ASXL2: variants seen among roughly 807,000 people sequenced by gnomAD.
The protein encoded by ASXL2 is putative Polycomb group protein ASXL2.
Under a neutral mutation model 122.0 loss-of-function variants are expected in ASXL2, and 23 were observed. The observed-to-expected ratio is 0.19, with a 90% CI of 0.14 to 0.27. ASXL2 has a LOEUF of 0.27. ASXL2 is among the 10% of genes least tolerant of loss of function. The pLI, the probability that ASXL2 is intolerant of heterozygous loss-of-function variation, is 1.00. For synonymous variants in ASXL2, 650 were observed against 637.0 expected, an observed-to-expected ratio of 1.02 and a Z score of -0.31; for missense variants, 1,518 against 1,713.8, an observed-to-expected ratio of 0.89 and a Z score of 2.02.
intron 5 of ASXL2, among the ~76,000 whole-genome samples, chr2:25,791,413 C>G (rs994963666): frequency 6.6e-6 from 1 of 150,452 alleles, no homozygotes; most frequent in African/African-American, 2.5e-5. Context: ...CTTGAACCCA[C>G]GATGGGGAGG....
At chr2:25,754,679 T>TAA (rs35860666) in intron 10 of ASXL2, among the ~76,000 whole-genome samples, 28 of 149,614 alleles carry the variant, frequency 1.9e-4, no homozygotes, top group African/African-American at 3.9e-4. Flanking sequence ...GCTTGCATGT[T>TAA]AAAAAAAAAA....
chr2:25,862,562 C>T (rs1172888878), intron 1 of ASXL2, among the ~76,000 whole-genome samples: 2 of 152,146 alleles, frequency 1.3e-5, no homozygotes, highest in Non-Finnish European at 2.9e-5. Context: ...GCATACTACA[C>T]AACAGGTGTT....
In ASXL2 at chr2:25,743,865, G is replaced by A. The variant is rs1218130537; in HGVS notation, c.2472C>T (p.Pro824=). ...TVASVSHPQG[P]SSCRQEKAPS... ...GTGCTTTCTCCTGTCTGCAACTACT[G>A]GGCCCTTGTGGATGGCTGACAGAGG... The change falls in exon 13 of 13, where the codon CCC becomes CCT. Residue 824 remains proline, a synonymous_variant. Transcript: ENST00000435504. The A allele has an allele frequency of 1.2e-6, 2 of 1,614,022 alleles. No individual in the cohort carries two copies.
chr2:25,824,802 T>C (rs1333996878), intron 3 of ASXL2, among the ~76,000 whole-genome samples: 3 of 152,214 alleles, frequency 2.0e-5, no homozygotes, highest in Non-Finnish European at 2.9e-5. Flanking sequence ...CGGTAACTAA[T>C]GATGTCTAAT....
intron 1 of ASXL2, among the ~76,000 whole-genome samples, chr2:25,863,458 C>G (rs1000127502): frequency 1.3e-5 from 2 of 151,726 alleles, no homozygotes; most frequent in Non-Finnish European, 2.9e-5. Flanking sequence ...TTTGGGAGGC[C>G]GAGGCGGGTA....
At chr2:25,829,762 T>C (rs1311482140) in intron 3 of ASXL2, among the ~76,000 whole-genome samples, 1 of 152,098 alleles carries the variant, frequency 6.6e-6, no homozygotes, top group African/African-American at 2.4e-5. Context: ...GTCTCAAAAA[T>C]AAAGACTAGA....
chr2:25,787,400 G>A (rs1216900187), intron 5 of ASXL2, among the ~76,000 whole-genome samples: 2 of 152,170 alleles, frequency 1.3e-5, no homozygotes, highest in East Asian at 3.9e-4. Flanking sequence ...TGTGAGTCTT[G>A]GGGTAAGGGA....
At chr2:25,867,197 G>A (rs1389767257) in intron 1 of ASXL2, among the ~76,000 whole-genome samples, 1 of 152,092 alleles carries the variant, frequency 6.6e-6, no homozygotes, top group Non-Finnish European at 1.5e-5. Flanking sequence ...ACCGCGCCTG[G>A]CACTAATTTT....
chr2:25,822,858 G>C (rs1292287409), intron 3 of ASXL2: 1 of 553,396 alleles, frequency 1.8e-6, no homozygotes, highest in Non-Finnish European at 3.6e-6. Flanking sequence ...GAACAACATG[G>C]GTGGTGAAGA....
chr2:25,805,234 C>T (rs1426510121), intron 4 of ASXL2, among the ~76,000 whole-genome samples: 1 of 152,162 alleles, frequency 6.6e-6, no homozygotes, highest in Admixed American at 6.5e-5. Flanking sequence ...ATAACCACAA[C>T]TGTGAATTGT....
At chr2:25,745,279 C>A (rs949692582) in intron 12 of ASXL2, among the ~76,000 whole-genome samples, 8 of 146,404 alleles carry the variant, frequency 5.5e-5, no homozygotes, top group Admixed American at 3.4e-4. Flanking sequence ...GTGGTGTGAT[C>A]TCGGCTCACT....
chr2:25,789,303 G>A (rs2088794668), intron 5 of ASXL2, among the ~76,000 whole-genome samples: 1 of 152,018 alleles, frequency 6.6e-6, no homozygotes, highest in Non-Finnish European at 1.5e-5. Flanking sequence ...ACCAGAAGGT[G>A]AATGATTCTT....
Position 25,742,682 on chromosome 2 carries a change from T to A in ASXL2, c.3655A>T (p.Thr1219Ser), listed in dbSNP as rs769284052. ...DTSSGPHSRE[T>S]LSTSDCLASK... ...GCTAAGCAATCACTGGTAGATAGAG[T>A]TTCCCTGCTGTGAGGTCCTGAACTT... Residue 1219 changes from threonine (T) to serine (S), a missense_variant, in exon 13 of 13, where the codon ACT becomes TCT. This residue lies in a region of ASXL2 where 831 missense variants were observed against 833.1 expected (regional missense o/e 1.00). Coordinates refer to ENST00000435504, the MANE Select transcript of ASXL2 (RefSeq NM_018263.6). 2.5e-6 allele frequency: 4 copies of A among 1,613,396 alleles called. No homozygotes were observed. Among genetic ancestry groups the A allele is most frequent in the Non-Finnish European group, 3.4e-6 (4 of 1,179,794 alleles).
At chr2:25,846,932 T>C (rs897954582) in intron 1 of ASXL2, among the ~76,000 whole-genome samples, 1 of 152,226 alleles carries the variant, frequency 6.6e-6, no homozygotes. Flanking sequence ...GTGACACAGA[T>C]GTTGGAATTA....
At chr2:25,856,808 C>A (rs916851792) in intron 1 of ASXL2, 1 of 1,158,802 alleles carries the variant, frequency 8.6e-7, no homozygotes, top group Non-Finnish European at 1.3e-6. Context: ...TGGTGACTGT[C>A]AGGTCATCCC....
chr2:25,810,661 C>A, intron 3 of ASXL2: 1 of 767,250 alleles, frequency 1.3e-6, no homozygotes, highest in South Asian at 1.4e-5. Flanking sequence ...AGCCATGGTG[C>A]CCACCCAGCT....
chr2:25,860,317 T>TA (rs948123460), intron 1 of ASXL2, among the ~76,000 whole-genome samples: 83 of 141,674 alleles, frequency 5.9e-4, no homozygotes, highest in African/African-American at 1.4e-3. Flanking sequence ...GCCTCAAAAA[T>TA]AAAAAAAAAT....
rs771068705 is a variant in ASXL2, at chr2:25,753,584, T to C, written c.1092A>G (p.Lys364=). ...VRIRQEIEKE[K]KVEPWKEQFF... ...ATTGTTCTTTCCATGGCTCCACTTTTTTCTCCTTCTCAATCTCTTGTCGAA... is the reference window on the plus strand; with the variant it reads ...ATTGTTCTTTCCATGGCTCCACTTTCTTCTCCTTCTCAATCTCTTGTCGAA... Residue 364 remains lysine, a synonymous_variant, in exon 11 of 13, where the codon AAA becomes AAG. Transcript: ENST00000435504. 8 of 1,613,862 alleles carry C rather than the reference T, an allele frequency of 5.0e-6. No homozygotes were observed. Among genetic ancestry groups the C allele is most frequent in the African/African-American group, 2.7e-5 (2 of 75,046 alleles).
intron 8 of ASXL2, among the ~76,000 whole-genome samples, chr2:25,763,916 A>C (rs1300621320): frequency 1.3e-5 from 2 of 152,226 alleles, no homozygotes; most frequent in African/African-American, 2.4e-5. Flanking sequence ...AGTCCATGAT[A>C]TCTGACCAGA....
Sources: gnomAD v4.1 joint callset for allele counts (sites outside exome capture counted in the v4.1 genomes callset) on GRCh38, gnomAD v4.1.1 for gene constraint, gnomAD v4.1.1 regional missense constraint, MANE v1.5 for transcripts, NCBI Gene and HGNC (gene_info 2026-07-23, HGNC 2026-07-21) for gene names.